The following NCK1 variants were observed in gnomAD, a reference collection of about 807,000 sequenced individuals.
The protein encoded by NCK1 is SH2/SH3 adapter protein NCK1.
In NCK1, 19 loss-of-function variants were observed where a neutral mutation model predicts 36.6. That is an observed-to-expected ratio of 0.52 (90% CI 0.36 to 0.76). NCK1 has a LOEUF of 0.76. Among genes scored for constraint, NCK1 ranks in the 30% least tolerant of loss-of-function variants. NCK1 has a pLI of 0.00. For synonymous variants in NCK1, 165 were observed against 156.0 expected (o/e 1.06, Z -0.43); for missense variants, 358 against 445.6 (o/e 0.80, Z 1.77).
intron 1 of NCK1, among the ~76,000 whole-genome samples, chr3:136,887,315 G>A (rs1344635326): frequency 6.6e-6 from 1 of 152,130 alleles, no homozygotes; most frequent in Non-Finnish European, 1.5e-5. Flanking sequence ...CTACAGGAGT[G>A]CACCGCCATG....
chr3:136,882,551 G>C (rs903860687), intron 1 of NCK1, among the ~76,000 whole-genome samples: 7 of 139,272 alleles, frequency 5.0e-5, no homozygotes, highest in Non-Finnish European at 9.2e-5. Context: ...ACATCACTGT[G>C]TGTGTGTGTG....
intron 1 of NCK1, among the ~76,000 whole-genome samples, chr3:136,925,047 A>AG (rs1368565613): frequency 2.0e-5 from 3 of 152,216 alleles, no homozygotes; most frequent in Admixed American, 6.5e-5. Flanking sequence ...ATTGGGTGAT[A>AG]GGTATAGGAT....
intron 1 of NCK1, among the ~76,000 whole-genome samples, chr3:136,910,387 T>C (rs1298034434): frequency 6.6e-6 from 1 of 152,166 alleles, no homozygotes; most frequent in Non-Finnish European, 1.5e-5. Context: ...ATGTAGAAAA[T>C]AAAATGTGTA....
At chr3:136,940,430 A>G (rs1032339692) in intron 2 of NCK1, among the ~76,000 whole-genome samples, 1 of 152,028 alleles carries the variant, frequency 6.6e-6, no homozygotes, top group African/African-American at 2.4e-5. Flanking sequence ...TTTTTGCTTT[A>G]TATGCCTTGA....
At chr3:136,921,387 C>T (rs771130343) in intron 1 of NCK1, among the ~76,000 whole-genome samples, 4 of 152,106 alleles carry the variant, frequency 2.6e-5, no homozygotes, top group Non-Finnish European at 4.4e-5. Flanking sequence ...ATCTAGGAAG[C>T]GGAGGAACTG....
rs56924222 is a variant in NCK1 at position 136,915,650 on chromosome 3, GT to G, written c.-18-12331del. Among the ~76,000 whole-genome samples the G allele has an allele frequency of 7.7e-3, 1,172 of 152,038 alleles. 14 individuals carry two copies. The highest frequency in any genetic ancestry group is 0.027 in the African/African-American group (1,114 of 41,482). ...AGAAAAGAGGTTTAAAAGGTTCACA[GT>G]TTCCTCAGGCTGTATAGGAAGCATG... On this transcript the variant is annotated intron_variant, in intron 1 of 3. Transcript: ENST00000481752.
At chr3:136,925,764 C>T (rs990836533) in intron 1 of NCK1, among the ~76,000 whole-genome samples, 17 of 151,946 alleles carry the variant, frequency 1.1e-4, no homozygotes, top group African/African-American at 4.1e-4. Flanking sequence ...GGGTGGTTTC[C>T]GGTTTTTGAC....
At chr3:136,869,316 G>A (rs1355952001) in intron 1 of NCK1, among the ~76,000 whole-genome samples, 1 of 152,198 alleles carries the variant, frequency 6.6e-6, no homozygotes, top group Admixed American at 6.5e-5. Context: ...GGAGGCTGAG[G>A]TGGGCGGATA....
rs765244758 is a variant in NCK1 at position 136,945,921 on chromosome 3, G to C, written c.565G>C (p.Gly189Arg). The change falls in exon 3 of 4, where the codon GGG becomes CGG. Residue 189 changes from glycine to arginine, a missense_variant. By Grantham distance (125) the Gly-to-Arg change is moderately radical. Transcript: ENST00000481752. ...LAAVVNNLNT[G>R]QVLHVVQALY... ...AGCAGTCGTCAATAACCTAAATACT[G>C]GGCAAGTGTTGCATGTGGTACAGGC... The C allele has an allele frequency of 1.3e-5, 21 of 1,613,990 alleles. No homozygotes were observed. In the East Asian group the frequency reaches 4.7e-4, roughly 36 times the overall value.
At chr3:136,899,786 G>A (rs1939491621) in intron 1 of NCK1, 6 of 1,431,966 alleles carry the variant, frequency 4.2e-6, no homozygotes, top group Non-Finnish European at 5.9e-6. Flanking sequence ...GCACATTAGT[G>A]GTGACTGTTG....
chr3:136,899,660 C>G (rs1576962746), intron 1 of NCK1: 1 of 728,204 alleles, frequency 1.4e-6, no homozygotes, highest in East Asian at 2.6e-5. Flanking sequence ...TCTTAGTAAT[C>G]TTATCCAAAT....
intron 1 of NCK1, among the ~76,000 whole-genome samples, chr3:136,910,280 A>G (rs1939799810): frequency 6.6e-6 from 1 of 152,192 alleles, no homozygotes; most frequent in African/African-American, 2.4e-5. Context: ...AAACACTCCA[A>G]TTTAAATTTA....
At chr3:136,898,197 A>T (rs1576961565) in intron 1 of NCK1, among the ~76,000 whole-genome samples, 1 of 152,058 alleles carries the variant, frequency 6.6e-6, no homozygotes, top group Non-Finnish European at 1.5e-5. Context: ...GGAGTTCAAG[A>T]CCAGCCTGGC....
chr3:136,898,234 A>T (rs1939439589), intron 1 of NCK1, among the ~76,000 whole-genome samples: 1 of 152,038 alleles, frequency 6.6e-6, no homozygotes, highest in Non-Finnish European at 1.5e-5. Context: ...TGTCTCTACT[A>T]AAAATACAAA....
intron 1 of NCK1, among the ~76,000 whole-genome samples, chr3:136,921,747 A>G (rs567065191): frequency 4.6e-5 from 7 of 152,202 alleles, no homozygotes; most frequent in East Asian, 1.9e-4. Flanking sequence ...AAGGTTGAGT[A>G]TGCTAAGGGA....
At position 136,939,415 on chromosome 3, in the gene NCK1, TG is replaced by T. The variant is rs1275004515; in HGVS notation, c.227-6166del. ...CTGATATTTTCAAATAACCACATTT[TG>T]GTTTTGTTGATTTCCTCTGTTTTTC... On this transcript the variant is annotated intron_variant, in intron 2 of 3. Coordinates refer to ENST00000481752, the MANE Select transcript of NCK1 (RefSeq NM_001291999.2). Among the ~76,000 whole-genome samples, 9 of 152,306 alleles carry T rather than the reference TG, an allele frequency of 5.9e-5. No homozygotes were observed. The East Asian group carries it at 1.5e-3, about 26-fold the overall frequency.
chr3:136,900,125 G>A, intron 1 of NCK1: 2 of 360,490 alleles, frequency 5.5e-6, no homozygotes, highest in South Asian at 6.2e-5. Flanking sequence ...CTTGTTGGCT[G>A]TAGTGGTGGT....
chr3:136,906,670 A>C (rs947446007), intron 1 of NCK1, among the ~76,000 whole-genome samples: 2 of 152,126 alleles, frequency 1.3e-5, no homozygotes, highest in African/African-American at 4.8e-5. Flanking sequence ...TGGCAGTAGC[A>C]GTGGTGGGAT....
intron 1 of NCK1, among the ~76,000 whole-genome samples, chr3:136,923,552 T>G (rs1252514836): frequency 1.8e-5 from 2 of 109,044 alleles, no homozygotes; most frequent in South Asian, 5.4e-4. Flanking sequence ...AGTGCGAGAC[T>G]CCGTCTCAAA....
Sources: allele counts gnomAD v4.1 joint callset (sites outside exome capture counted in the v4.1 genomes callset), GRCh38; gene constraint gnomAD v4.1.1; transcripts MANE v1.5; gene names NCBI Gene and HGNC (gene_info 2026-07-23, HGNC 2026-07-21).